Variants in VPS13C observed in about 807,000 individuals in gnomAD.
The protein encoded by VPS13C is vacuolar protein sorting 13 homolog C, also known as intermembrane lipid transfer protein VPS13C.
Under a neutral mutation model 456.8 loss-of-function variants are expected in VPS13C, and 358 were observed. That is an observed-to-expected ratio of 0.78 (90% CI 0.72 to 0.86). The LOEUF (loss-of-function observed/expected upper bound fraction) is 0.86, where lower values mean the gene tolerates loss of function less well. Ranked by LOEUF, VPS13C falls within the 40% of genes least tolerant of loss-of-function variation. The pLI is 0.00. For synonymous variants in VPS13C, 1,578 were observed against 1,486.7 expected (o/e 1.06, Z -1.41); for missense variants, 4,818 against 4,385.4 (o/e 1.10, Z -2.79).
intron 16 of VPS13C, among the ~76,000 whole-genome samples, chr15:61,998,431 T>G (rs936480672): frequency 6.6e-6 from 1 of 152,190 alleles, no homozygotes; most frequent in East Asian, 1.9e-4. Context: ...CAAATGATAA[T>G]GACAATGAAA....
chr15:61,999,136 T>C (rs1466626947), intron 16 of VPS13C, among the ~76,000 whole-genome samples: 1 of 152,126 alleles, frequency 6.6e-6, no homozygotes, highest in Non-Finnish European at 1.5e-5. Flanking sequence ...CCCAGCACTT[T>C]GGGAGGCCAA....
intron 80 of VPS13C, 125 bp from the exon 81 acceptor site, chr15:61,868,898 A>C: frequency 2.5e-6 from 2 of 791,838 alleles, no homozygotes; most frequent in Non-Finnish European, 3.9e-6. Flanking sequence ...CTTTCCCCAA[A>C]TAATGCAAAA....
intron 47 of VPS13C, among the ~76,000 whole-genome samples, chr15:61,939,223 G>A (rs1421759446): frequency 6.6e-6 from 1 of 152,164 alleles, no homozygotes; most frequent in Non-Finnish European, 1.5e-5. Context: ...TCTAATCTTT[G>A]AAAGGGAGAG....
chr15:62,035,169 C>A, intron 3 of VPS13C, 117 bp from the exon 4 acceptor site: 1 of 508,334 alleles, frequency 2.0e-6, no homozygotes, highest in Non-Finnish European at 3.4e-6. Context: ...GTACATCACT[C>A]AGAAAAAATG....
At chr15:62,028,083 T>C (rs1231123298) in intron 6 of VPS13C, among the ~76,000 whole-genome samples, 1 of 152,106 alleles carries the variant, frequency 6.6e-6, no homozygotes, top group African/African-American at 2.4e-5. Context: ...GTAGTTCATA[T>C]TCTAAGCTTC....
At chr15:61,918,799 A>C (rs1567001730) in intron 58 of VPS13C, among the ~76,000 whole-genome samples, 1 of 152,128 alleles carries the variant, frequency 6.6e-6, no homozygotes, top group African/African-American at 2.4e-5. Context: ...AGTAATACAC[A>C]GAAAAAGAAA....
At chr15:61,870,529 A>G (rs193205918) in intron 79 of VPS13C, among the ~76,000 whole-genome samples, 46 of 152,326 alleles carry the variant, frequency 3.0e-4, no homozygotes, top group Non-Finnish European at 6.0e-4. Flanking sequence ...TTCATGTATC[A>G]GGTGATGGAC....
intron 5 of VPS13C, 75 bp from the exon 6 acceptor site, chr15:62,028,495 AC>A (rs1448444865): frequency 7.2e-7 from 1 of 1,387,944 alleles, no homozygotes; most frequent in African/African-American, 1.4e-5. Context: ...TGTAAAATAT[AC>A]CTAAATTTAA....
At position 61,975,990 on chromosome 15, in the gene VPS13C, A is replaced by G. The variant is rs549009056; in HGVS notation, c.2408+1092T>C. 2.6e-5 allele frequency among the ~76,000 whole-genome samples: 4 copies of G among 152,220 alleles called. No individual in the cohort carries two copies. The South Asian group carries it at 8.3e-4, about 32-fold the overall frequency. ...GGACCCAAGTCTAAACATGAAACTG[A>G]TTTATGTTTCATTCATACCTTGTAC... On this transcript the variant is annotated intron_variant, in intron 24 of 84. Transcript: ENST00000644861.
chr15:62,026,285 T>C (rs1187912956), intron 6 of VPS13C, among the ~76,000 whole-genome samples: 1 of 151,920 alleles, frequency 6.6e-6, no homozygotes, highest in Non-Finnish European at 1.5e-5. Flanking sequence ...ATGAACCCCT[T>C]TACACATGTA....
chr15:62,050,846 G>T (rs889230537), intron 1 of VPS13C, among the ~76,000 whole-genome samples: 2 of 149,024 alleles, frequency 1.3e-5, no homozygotes, highest in African/African-American at 4.9e-5. Context: ...GATCAAAACT[G>T]GATCAAAATT....
intron 37 of VPS13C, among the ~76,000 whole-genome samples, chr15:61,957,503 G>A (rs768287817): frequency 1.3e-5 from 2 of 151,952 alleles, no homozygotes. Context: ...ATGGCATACC[G>A]GTTTTCACTT....
intron 30 of VPS13C, among the ~76,000 whole-genome samples, chr15:61,965,611 AGT>A (rs2045353152): frequency 6.6e-6 from 1 of 151,948 alleles, no homozygotes; most frequent in African/African-American, 2.4e-5. Flanking sequence ...CTCTCAAAAA[AGT>A]GTGAGCTAAA....
chr15:62,042,163 G>C (rs1038118332), intron 2 of VPS13C, among the ~76,000 whole-genome samples: 1 of 152,082 alleles, frequency 6.6e-6, no homozygotes, highest in Non-Finnish European at 1.5e-5. Context: ...TACCAAATTA[G>C]TATTTCGTTT....
rs370350497 is a variant in VPS13C at position 62,010,167 on chromosome 15, G to A, written c.1011+305C>T. Reference sequence around the variant, plus strand: ...ATCGCACCACTGCACTCCAGCCTGGGCAACAGAGTGAGACTCCATCTCAAA... The same window carrying A: ...ATCGCACCACTGCACTCCAGCCTGGACAACAGAGTGAGACTCCATCTCAAA... On this transcript the variant is annotated intron_variant, in intron 13 of 84. Transcript: ENST00000644861. Among the ~76,000 whole-genome samples, 111 of 151,540 alleles carry A rather than the reference G, an allele frequency of 7.3e-4. 1 individual carries two copies. The highest frequency in any genetic ancestry group is 1.2e-3 in the Non-Finnish European group (84 of 67,916).
At chr15:61,878,565 T>C (rs1243537175) in intron 74 of VPS13C, 42 bp downstream of exon 74, 1 of 1,592,982 alleles carries the variant, frequency 6.3e-7, no homozygotes, top group East Asian at 2.3e-5. Flanking sequence ...AAACATGACC[T>C]TGGTACACCT....
At position 61,929,570 on chromosome 15, in the gene VPS13C, C is replaced by G. The variant is rs1164450374; in HGVS notation, c.6217G>C (p.Glu2073Gln). ...FFIKAVPQSPENVAKETQILP... is the reference protein window; with the variant it reads ...FFIKAVPQSPQNVAKETQILP... Reference sequence around the variant, plus strand: ...ATCTGTGTTTCTTTTGCCACATTTTCTGGACTCTGAGGCACAGCTTTGATA... The same window carrying G: ...ATCTGTGTTTCTTTTGCCACATTTTGTGGACTCTGAGGCACAGCTTTGATA... Residue 2073 changes from glutamate to glutamine, a missense_variant, in exon 51 of 85, where the codon GAA (glutamate) becomes CAA (glutamine). Glu to Gln is a conservative substitution (Grantham distance 29). Transcript: ENST00000644861. 6.2e-7 allele frequency: 1 copy of G among 1,614,038 alleles called. No homozygotes were observed. Among genetic ancestry groups the G allele is most frequent in the South Asian group, 1.1e-5 (1 of 91,072 alleles).
intron 60 of VPS13C, among the ~76,000 whole-genome samples, chr15:61,916,288 G>A (rs2043469756): frequency 6.6e-6 from 1 of 152,148 alleles, no homozygotes; most frequent in Non-Finnish European, 1.5e-5. Context: ...TCTATATCAA[G>A]AGTCAAAGAC....
At chr15:61,865,543 T>C in intron 81 of VPS13C, 1 of 905,182 alleles carries the variant, frequency 1.1e-6, no homozygotes, top group Non-Finnish European at 1.3e-6. Context: ...TATGTATATA[T>C]GTATGTGTAA....
Sources: allele counts gnomAD v4.1 joint callset (sites outside exome capture counted in the v4.1 genomes callset), GRCh38; gene constraint gnomAD v4.1.1; transcripts MANE v1.5; gene names NCBI Gene and HGNC (gene_info 2026-07-23, HGNC 2026-07-21).